Variants in TNPO1 observed in about 807,000 individuals in gnomAD.
The protein encoded by TNPO1 is transportin 1, also known as transportin-1.
A neutral mutation model predicts 119.5 loss-of-function variants in TNPO1; 8 were observed. That is an observed-to-expected ratio of 0.07 (90% confidence interval 0.04 to 0.12). The LOEUF is 0.12. Ranked by LOEUF, TNPO1 falls within the 10% of genes least tolerant of loss-of-function variation. TNPO1 has a pLI of 1.00. For synonymous variants in TNPO1, 362 were observed against 363.0 expected, an observed-to-expected ratio of 1.00 and a Z score of 0.03; for missense variants, 576 against 1,089.8, an observed-to-expected ratio of 0.53 and a Z score of 6.64.
chr5:72,904,872 C>G (rs747093685), intron 23 of TNPO1, among the ~76,000 whole-genome samples: 26 of 152,152 alleles, frequency 1.7e-4, no homozygotes, highest in Non-Finnish European at 3.1e-4. Flanking sequence ...ACTCACAGTT[C>G]CATGTGGTTG....
At chr5:72,875,581 C>G (rs377691212) in intron 7 of TNPO1, 34 bp from the exon 8 acceptor site, 8 of 1,603,022 alleles carry the variant, frequency 5.0e-6, no homozygotes, top group Non-Finnish European at 6.0e-6. Context: ...GTAAGCCTTT[C>G]TAAAACTAGA....
At position 72,900,098 on chromosome 5, in the gene TNPO1, CT is replaced by C. The variant is rs771402017; in HGVS notation, c.2414+26del. The C allele has an allele frequency of 3.1e-4, 485 of 1,575,080 alleles. No homozygotes were observed. The highest frequency in any genetic ancestry group is 5.3e-4 in the South Asian group (46 of 87,042). On this transcript the variant is annotated intron_variant, in intron 21 of 24. Transcript: ENST00000337273. ...AAGACCCTGGTGTGTATTATTCAAT[CT>C]TTTTTTTTAATTCATTTTTCTTCAC... is the stretch of plus-strand genomic sequence containing the variant.
At position 72,848,610 on chromosome 5, in the gene TNPO1, C is replaced by G. The variant is rs1745280763; in HGVS notation, c.129+112C>G. On this transcript the variant is annotated intron_variant, in intron 2 of 24. Coordinates refer to ENST00000337273, the MANE Select transcript of TNPO1 (RefSeq NM_002270.4). ...CCGCCTCTGCCCCTCCCCCATCCTC[C>G]GAGACCGGCCTCCTCCCTGGGTCCG... is the stretch of plus-strand genomic sequence containing the variant. 11 of 457,020 alleles carry G rather than the reference C, an allele frequency of 2.4e-5. 1 individual carries two copies. The highest frequency in any genetic ancestry group is 1.0e-5 in the Non-Finnish European group (3 of 287,158). 28.3% of individuals were successfully genotyped at this position (457,020 alleles called of 1,614,324 possible). A position where few individuals can be genotyped will look rare whatever the true frequency, so the allele number is the denominator to read the frequency against.
chr5:72,894,525 G>A (rs1418101410), intron 18 of TNPO1, among the ~76,000 whole-genome samples: 10 of 152,152 alleles, frequency 6.6e-5, no homozygotes, highest in Admixed American at 6.5e-4. Context: ...CAAAAACTTA[G>A]CCAGGCGTGG....
At chr5:72,862,676 C>T (rs1373654678) in intron 5 of TNPO1, among the ~76,000 whole-genome samples, 5 of 151,872 alleles carry the variant, frequency 3.3e-5, no homozygotes, top group South Asian at 2.1e-4. Context: ...AACAGGGTCT[C>T]GCTCTGTTGC....
At chr5:72,869,113 A>T (rs1335341559) in intron 6 of TNPO1, among the ~76,000 whole-genome samples, 1 of 152,154 alleles carries the variant, frequency 6.6e-6, no homozygotes, top group Non-Finnish European at 1.5e-5. Context: ...CCGTATTTTT[A>T]TTGTGTTCTG....
At chr5:72,826,180 A>G (rs1485939992) in intron 1 of TNPO1, among the ~76,000 whole-genome samples, 1 of 151,960 alleles carries the variant, frequency 6.6e-6, no homozygotes, top group Non-Finnish European at 1.5e-5. Flanking sequence ...GTTTAATACT[A>G]TATTCTATCC....
At chr5:72,865,418 A>C (rs1746806532) in intron 5 of TNPO1, among the ~76,000 whole-genome samples, 178 bp from the exon 6 acceptor site, 1 of 151,534 alleles carries the variant, frequency 6.6e-6, no homozygotes, top group African/African-American at 2.4e-5. Context: ...AGCCTGGGCG[A>C]CACACCAAGA....
At chr5:72,859,010 G>T (rs1412016880) in intron 4 of TNPO1, among the ~76,000 whole-genome samples, 8 of 137,532 alleles carry the variant, frequency 5.8e-5, no homozygotes, top group African/African-American at 2.2e-4. Context: ...ATGAGAAAAA[G>T]ATTTAAAACA....
chr5:72,868,751 G>A (rs1473497632), intron 6 of TNPO1, among the ~76,000 whole-genome samples: 1 of 151,662 alleles, frequency 6.6e-6, no homozygotes, highest in African/African-American at 2.4e-5. Context: ...TTAACAAGTT[G>A]CAGTTACTTA....
At chr5:72,849,573 A>G (rs943009740) in intron 2 of TNPO1, among the ~76,000 whole-genome samples, 1 of 152,238 alleles carries the variant, frequency 6.6e-6, no homozygotes, top group African/African-American at 2.4e-5. Context: ...TCGCAGAAAT[A>G]CTGCATTGCC....
chr5:72,889,706 C>G (rs1462993764), intron 13 of TNPO1, 80 bp from the exon 14 acceptor site: 2 of 1,451,520 alleles, frequency 1.4e-6, no homozygotes, highest in Non-Finnish European at 1.8e-6. Context: ...TTGGGTAAAA[C>G]AGAACATAAA....
At chr5:72,883,297 TCTA>T in intron 11 of TNPO1, 65 bp downstream of exon 11, 1 of 765,794 alleles carries the variant, frequency 1.3e-6, no homozygotes. Context: ...GTATAATTCA[TCTA>T]CTGTACAGTT....
At chr5:72,904,629 C>G (rs1579945209) in intron 23 of TNPO1, among the ~76,000 whole-genome samples, 1 of 152,114 alleles carries the variant, frequency 6.6e-6, no homozygotes. Flanking sequence ...AACGCCATCT[C>G]TACTAAAAAT....
intron 24 of TNPO1, among the ~76,000 whole-genome samples, chr5:72,906,401 C>T (rs1173778081): frequency 4.1e-5 from 6 of 145,520 alleles, no homozygotes; most frequent in Middle Eastern, 3.4e-3. Context: ...AAGCAATTCT[C>T]CTGCCCGAGC....
intron 24 of TNPO1, among the ~76,000 whole-genome samples, chr5:72,906,096 C>T (rs530075434): frequency 2.0e-4 from 31 of 152,000 alleles, no homozygotes; most frequent in Non-Finnish European, 3.2e-4. Context: ...CATCGGCACT[C>T]ATAGTGATGG....
Position 72,908,797 on chromosome 5 carries a change from T to TA in TNPO1, c.*125dup. On this transcript the variant is annotated 3_prime_UTR_variant, in exon 25 of 25. Coordinates refer to ENST00000337273, the MANE Select transcript of TNPO1 (RefSeq NM_002270.4). ...GGGGGAAGGGTAAACCAGTAGGGAA[T>TA]ACAGTACAATCCCAACCCTACTGGG... 1 of 387,566 alleles carries TA rather than the reference T, an allele frequency of 2.6e-6. No individual in the cohort carries two copies. Among genetic ancestry groups the TA allele is most frequent in the South Asian group, 1.9e-5 (1 of 53,156 alleles). 24.0% of individuals were successfully genotyped at this position (387,566 alleles called of 1,614,324 possible).
chr5:72,839,614 T>G (rs894796492), intron 1 of TNPO1, among the ~76,000 whole-genome samples: 1 of 152,228 alleles, frequency 6.6e-6, no homozygotes, highest in Admixed American at 6.5e-5. Flanking sequence ...AAAGACTTTT[T>G]TAGTGATTAG....
At chr5:72,873,946 C>T (rs946336195) in intron 7 of TNPO1, among the ~76,000 whole-genome samples, 2 of 151,912 alleles carry the variant, frequency 1.3e-5, no homozygotes, top group Non-Finnish European at 2.9e-5. Flanking sequence ...CTGGTGTTTT[C>T]TTTTAGTATT....
Sources: gnomAD v4.1 joint callset for allele counts (sites outside exome capture counted in the v4.1 genomes callset) on GRCh38, gnomAD v4.1.1 for gene constraint, MANE v1.5 for transcripts, NCBI Gene and HGNC (gene_info 2026-07-23, HGNC 2026-07-21) for gene names.